ST6GALNAC6: variants seen among roughly 807,000 people sequenced by gnomAD.
ST6GALNAC6 encodes ST6 N-acetylgalactosaminide alpha-2,6-sialyltransferase 6.
A neutral mutation model predicts 34.3 loss-of-function variants in ST6GALNAC6; 19 were observed. The ratio of observed to expected loss-of-function variants is 0.55; its 90% confidence interval spans 0.39 to 0.81. The LOEUF (loss-of-function observed/expected upper bound fraction) is 0.81, where lower values mean the gene tolerates loss of function less well. ST6GALNAC6 is among the 40% of genes least tolerant of loss of function. The pLI, the probability that ST6GALNAC6 is intolerant of heterozygous loss-of-function variation, is 0.00. For synonymous variants in ST6GALNAC6, 185 were observed against 182.1 expected (o/e 1.02, Z -0.13); for missense variants, 377 against 467.7 (o/e 0.81, Z 1.79).
chr9:127,899,444 C>A, intron 1 of ST6GALNAC6, 59 bp downstream of exon 1: 1 of 783,216 alleles, frequency 1.3e-6, no homozygotes, highest in Non-Finnish European at 1.6e-6. Flanking sequence ...GCGCCCTCCG[C>A]CCCAGCCCCC....
chr9:127,890,589 G>A lies in ST6GALNAC6; in HGVS notation c.704+48C>T. ...ACAGGCCCTCTGGATGGGGCATGCTGAGAAGGAGCACAGTGCTGGCCAGAG... is the reference window on the plus strand; with the variant it reads ...ACAGGCCCTCTGGATGGGGCATGCTAAGAAGGAGCACAGTGCTGGCCAGAG... On this transcript the variant is annotated intron_variant, in intron 5 of 6. Transcript: ENST00000373146. The surrounding 1 kb of genome is among the most constrained non-coding windows in gnomAD (Gnocchi z 4.3). The A allele has an allele frequency of 6.2e-7, 1 of 1,609,024 alleles. No homozygotes were observed. Among genetic ancestry groups the A allele is most frequent in the Non-Finnish European group, 8.5e-7 (1 of 1,177,352 alleles).
Position 127,894,645 on chromosome 9 carries a change from A to T in ST6GALNAC6, c.164T>A (p.Ile55Asn), listed in dbSNP as rs772086967. Residue 55 changes from isoleucine (I) to asparagine (N), a missense_variant, in exon 4 of 7, where the codon ATC (isoleucine) becomes AAC (asparagine). By Grantham distance (149) the Ile-to-Asn change is moderately radical (BLOSUM62 -3). Transcript: ENST00000373146. ...VFVILFALIT[I>N]LILYSSNSAN... ...ACTGTTGGAGCTGTAGAGGATGAGG[A>T]TGGTGATGAGGGCAAAGAGGATCAC... 1 of 1,614,158 alleles carries T rather than the reference A, an allele frequency of 6.2e-7. No individual in the cohort carries two copies. The highest frequency in any genetic ancestry group is 8.5e-7 in the Non-Finnish European group (1 of 1,180,020).
chr9:127,905,349 C>A, upstream of ST6GALNAC6: 1 of 985,622 alleles, frequency 1.0e-6, no homozygotes. Context: ...ACTGACGCAT[C>A]ACTCCTGCCA....
chr9:127,888,080 G>A (rs1360573640), intron 5 of ST6GALNAC6, among the ~76,000 whole-genome samples: 2 of 152,214 alleles, frequency 1.3e-5, no homozygotes, highest in Admixed American at 6.5e-5. Context: ...TGGGCTGTAC[G>A]TGTAAATACA....
In ST6GALNAC6 at chr9:127,894,608, G is replaced by C. The variant is rs1830338939; in HGVS notation, c.201C>G (p.Val67=). The change falls in exon 4 of 7, where the codon GTC becomes GTG. Residue 67 remains valine, a synonymous_variant. Transcript: ENST00000373146. The part of the protein sequence containing the change: ...ILYSSNSANE[V]FHYGSLRGRS... ...GGCCCCGCAGGGAGCCGTAATGGAA[G>C]ACCTCATTGGCACTGTTGGAGCTGT... is the stretch of plus-strand genomic sequence containing the variant. 6.2e-7 allele frequency: 1 copy of C among 1,614,218 alleles called. No homozygotes were observed. Among genetic ancestry groups the C allele is most frequent in the East Asian group, 2.2e-5 (1 of 44,884 alleles).
intron 4 of ST6GALNAC6, among the ~76,000 whole-genome samples, chr9:127,893,623 TG>T (rs1830276440): frequency 6.6e-6 from 1 of 152,232 alleles, no homozygotes. Context: ...GCTTCCCCTG[TG>T]ATGCTGGAAG....
At chr9:127,899,477 C>CCCG in intron 1 of ST6GALNAC6, 26 bp downstream of exon 1, 2 of 956,248 alleles carry the variant, frequency 2.1e-6, no homozygotes, top group East Asian at 1.2e-4. Flanking sequence ...GCCCCCGCGG[C>CCCG]CTGCTCCCGC....
Position 127,890,162 on chromosome 9 carries a change from A to G in ST6GALNAC6, c.704+475T>C, listed in dbSNP as rs527669302. Among the ~76,000 whole-genome samples the G allele has an allele frequency of 5.9e-5, 9 of 152,362 alleles. No homozygotes were observed. The East Asian group carries it at 1.3e-3, about 23-fold the overall frequency. ...ACATATGTGGCTCACATAGATTTCTATTGGGCAGCACTGGCCTAGCTTTCC... is the reference window on the plus strand; with the variant it reads ...ACATATGTGGCTCACATAGATTTCTGTTGGGCAGCACTGGCCTAGCTTTCC... On this transcript the variant is annotated intron_variant, in intron 5 of 6. Transcript: ENST00000373146. The surrounding 1 kb of genome is among the most constrained non-coding windows in gnomAD (Gnocchi z 4.3).
intron 1 of ST6GALNAC6, among the ~76,000 whole-genome samples, chr9:127,898,405 A>AAAAT (rs1026594963): frequency 3.3e-5 from 5 of 151,954 alleles, no homozygotes; most frequent in African/African-American, 1.2e-4. Flanking sequence ...AACAAAAACA[A>AAAAT]AAATAAATAA....
intron 3 of ST6GALNAC6, among the ~76,000 whole-genome samples, chr9:127,895,975 G>A (rs910712009): frequency 7.9e-5 from 12 of 152,236 alleles, no homozygotes; most frequent in East Asian, 5.8e-4. Context: ...CAGTCACCTC[G>A]GCTAGTCCTT....
intron 6 of ST6GALNAC6, 100 bp from the exon 7 acceptor site, chr9:127,886,888 TC>T: frequency 8.2e-7 from 1 of 1,221,156 alleles, no homozygotes; most frequent in Non-Finnish European, 1.1e-6. Context: ...ATAGGAGAAA[TC>T]CCCATGCCTC....
upstream of ST6GALNAC6, among the ~76,000 whole-genome samples, chr9:127,905,729 G>T (rs1451359776): frequency 6.6e-6 from 1 of 152,206 alleles, no homozygotes; most frequent in Non-Finnish European, 1.5e-5. Flanking sequence ...AAGCCATGGG[G>T]ATAGTCCACT....
upstream of ST6GALNAC6, among the ~76,000 whole-genome samples, chr9:127,900,490 G>A (rs1324658216): frequency 1.4e-5 from 2 of 140,564 alleles, no homozygotes; most frequent in African/African-American, 5.2e-5. Context: ...AACCTGGGAG[G>A]CAGAGGTTGC....
chr9:127,902,511 C>T (rs1830793365), upstream of ST6GALNAC6, among the ~76,000 whole-genome samples: 1 of 151,632 alleles, frequency 6.6e-6, no homozygotes, highest in Non-Finnish European at 1.5e-5. Context: ...TCTGGGGCTG[C>T]TTTTTTTCTT....
chr9:127,902,353 G>T (rs1032512308), upstream of ST6GALNAC6, among the ~76,000 whole-genome samples: 1 of 151,758 alleles, frequency 6.6e-6, no homozygotes, highest in East Asian at 2.0e-4. Context: ...TAGAGATGGG[G>T]TTTTGCCATG....
At chr9:127,899,659 T>A (rs1414749437), upstream of ST6GALNAC6, 9 of 982,914 alleles carry the variant, frequency 9.2e-6, no homozygotes, top group Admixed American at 1.9e-4. Context: ...GGCCCAGGCC[T>A]GGGAGGTGGG....
intron 2 of ST6GALNAC6, among the ~76,000 whole-genome samples, chr9:127,896,719 G>T (rs1234439792): frequency 6.6e-6 from 1 of 152,122 alleles, no homozygotes; most frequent in Non-Finnish European, 1.5e-5. Flanking sequence ...GTAGGCCCCC[G>T]AACTCCTCTG....
chr9:127,895,821 T>A (rs980606209), intron 3 of ST6GALNAC6, among the ~76,000 whole-genome samples: 2 of 152,244 alleles, frequency 1.3e-5, no homozygotes, highest in Admixed American at 1.3e-4. Context: ...TAGGAAAGAA[T>A]GAATGAATGA....
At position 127,886,530 on chromosome 9, in the gene ST6GALNAC6, C is replaced by T. The variant is rs906129022; in HGVS notation, c.*69G>A. The stretch of plus-strand genomic sequence containing the variant: ...AAGCCTTGATTGGCCAGAAGATGGT[C>T]CCTGGCCTAGCGGCTGGGCGGAGGC... On this transcript the variant is annotated 3_prime_UTR_variant, in exon 7 of 7. Transcript: ENST00000373146. 5 of 1,587,322 alleles carry T rather than the reference C, an allele frequency of 3.1e-6. No individual in the cohort carries two copies. The African/African-American group carries it at 6.7e-5, about 21-fold the overall frequency.
Sources: gnomAD v4.1 joint callset for allele counts (sites outside exome capture counted in the v4.1 genomes callset) on GRCh38, gnomAD v4.1.1 for gene constraint, Gnocchi (gnomAD v3.1) non-coding constraint, MANE v1.5 for transcripts, NCBI Gene and HGNC (gene_info 2026-07-23, HGNC 2026-07-21) for gene names.